Variants in DNAH11 observed in about 807,000 individuals in gnomAD.
DNAH11 encodes dynein axonemal heavy chain 11, also known as axonemal beta dynein heavy chain 11.
Under a neutral mutation model 526.0 loss-of-function variants are expected in DNAH11, and 442 were observed. The ratio of observed to expected loss-of-function variants is 0.84; its 90% CI spans 0.78 to 0.91. The LOEUF is 0.91. DNAH11 is among the 40% of genes least tolerant of loss of function. The probability of loss-of-function intolerance (pLI) is 0.00; values close to 1 mark genes in which losing one functional copy is unlikely to be tolerated. For missense variants in DNAH11, 6,989 were observed against 5,448.7 expected (o/e 1.28, Z -8.90); for synonymous variants, 2,461 against 1,935.9 (o/e 1.27, Z -7.12).
At chr7:21,837,193 G>A (rs975669502) in intron 65 of DNAH11, among the ~76,000 whole-genome samples, 23 of 152,166 alleles carry the variant, frequency 1.5e-4, no homozygotes, top group Middle Eastern at 3.4e-3. Context: ...GAGATTCCTC[G>A]AAAAACTAAG....
chr7:21,885,302 G>T (rs917265906), intron 76 of DNAH11, among the ~76,000 whole-genome samples: 1 of 148,904 alleles, frequency 6.7e-6, no homozygotes, highest in African/African-American at 2.4e-5. Context: ...TTTTTAAAAA[G>T]AGAAAAGATG....
chr7:21,620,475 A>G (rs1294877658), intron 25 of DNAH11, among the ~76,000 whole-genome samples: 1 of 150,958 alleles, frequency 6.6e-6, no homozygotes, highest in East Asian at 2.0e-4. Context: ...GCATCGTACA[A>G]TATTTGTCTT....
At chr7:21,648,540 C>T (rs985106984) in intron 28 of DNAH11, among the ~76,000 whole-genome samples, 2 of 152,174 alleles carry the variant, frequency 1.3e-5, no homozygotes, top group Non-Finnish European at 2.9e-5. Context: ...AGCTGAGCAA[C>T]CATCACACAC....
Position 21,744,982 on chromosome 7 carries a change from T to C in DNAH11, c.8429T>C (p.Ile2810Thr). 1.2e-6 allele frequency: 2 copies of C among 1,610,462 alleles called. No homozygotes were observed. The highest frequency in any genetic ancestry group is 1.7e-6 in the Non-Finnish European group (2 of 1,178,338). The change falls in exon 51 of 82, where the codon ATT (isoleucine) becomes ACT (threonine). Residue 2810 changes from isoleucine (I) to threonine (T), a missense_variant. By Grantham distance (89) the Ile-to-Thr change is moderately conservative (BLOSUM62 -1). Coordinates refer to ENST00000409508, the MANE Select transcript of DNAH11 (RefSeq NM_001277115.2). ...PVKDWEVLKT[I>T]LTETLDNYNE... ...AAGGACTGGGAAGTGCTGAAGACGA[T>C]TCTTACAGAAACGTTAGACAACTAC...
chr7:21,900,193 C>T, intron 81 of DNAH11, 73 bp downstream of exon 81: 2 of 1,462,052 alleles, frequency 1.4e-6, no homozygotes, highest in South Asian at 3.0e-5. Context: ...CCTCTGCTTA[C>T]TGTTTCTCAG....
Position 21,762,707 on chromosome 7 carries a change from CA to C in DNAH11, c.8941-2714del, listed in dbSNP as rs1014541075. Among the ~76,000 whole-genome samples the C allele has an allele frequency of 9.2e-5, 14 of 151,908 alleles. 2 individuals are homozygous for C. The highest frequency in any genetic ancestry group is 7.9e-4 in the Admixed American group (12 of 15,264). The stretch of plus-strand genomic sequence containing the variant: ...ACATTAAAAAATGTTAAACCACATG[CA>C]AAAAAATGAAATTGGACCTTGTCTT... On this transcript the variant is annotated intron_variant, in intron 54 of 81. Coordinates refer to ENST00000409508, the MANE Select transcript of DNAH11 (RefSeq NM_001277115.2).
chr7:21,654,341 T>C (rs182950814), intron 28 of DNAH11, among the ~76,000 whole-genome samples: 2 of 152,340 alleles, frequency 1.3e-5, no homozygotes, highest in East Asian at 3.9e-4. Flanking sequence ...AGATACGACG[T>C]GTGGTATATT....
intron 65 of DNAH11, among the ~76,000 whole-genome samples, chr7:21,823,935 T>C (rs1414399235): frequency 6.6e-6 from 1 of 152,240 alleles, no homozygotes; most frequent in African/African-American, 2.4e-5. Flanking sequence ...TGGGGTTCTC[T>C]TTTGATGATG....
intron 37 of DNAH11, 84 bp downstream of exon 37, chr7:21,702,886 A>G: frequency 2.5e-6 from 3 of 1,189,660 alleles, no homozygotes; most frequent in Non-Finnish European, 3.6e-6. Flanking sequence ...ATGGTGGGGC[A>G]TGGACAGCAC....
intron 29 of DNAH11, among the ~76,000 whole-genome samples, chr7:21,658,057 T>C (rs1187608785): frequency 2.0e-5 from 3 of 152,068 alleles, no homozygotes; most frequent in Admixed American, 6.6e-5. Flanking sequence ...TTATATGATA[T>C]CCTAAGAAAA....
At chr7:21,549,210 A>G (rs894314764) in intron 2 of DNAH11, among the ~76,000 whole-genome samples, 1 of 152,120 alleles carries the variant, frequency 6.6e-6, no homozygotes, top group Non-Finnish European at 1.5e-5. Context: ...TTATTTCCCC[A>G]TGCATCCTTG....
chr7:21,653,390 C>T (rs1781870249), intron 28 of DNAH11, among the ~76,000 whole-genome samples: 1 of 152,066 alleles, frequency 6.6e-6, no homozygotes, highest in African/African-American at 2.4e-5. Flanking sequence ...TCAACTATGC[C>T]ATGTATAAGA....
In DNAH11 at chr7:21,786,674, C is replaced by T. The variant is rs1583693853; in HGVS notation, c.9648C>T (p.Thr3216=). ...TTCCCAACCCTCCCATCGCAGTTAC[C>T]AATGTTACTGCAGCCGTGATGGTCC... ...KAFPNPPIAV[T]NVTAAVMVLL... is the part of the protein sequence containing the mutation. The change falls in exon 59 of 82, where the codon ACC becomes ACT. Residue 3216 remains threonine (T), a synonymous_variant. Transcript: ENST00000409508. 5 of 1,613,482 alleles carry T rather than the reference C, an allele frequency of 3.1e-6. No homozygotes were observed. In the Admixed American group the frequency reaches 8.3e-5, roughly 27 times the overall value.
rs34356379 is a variant in DNAH11 at position 21,612,554 on chromosome 7, C to CAAAAAAAAA, written c.3853-2546_3853-2538dup. 4.0e-3 allele frequency among the ~76,000 whole-genome samples: 321 copies of CAAAAAAAAA among 81,200 alleles called. 10 individuals are homozygous for CAAAAAAAAA. Among genetic ancestry groups the CAAAAAAAAA allele is most frequent in the African/African-American group, 0.015 (289 of 19,198 alleles). The allele number at this position is 81,200 out of a possible 152,430, so 53.3% of individuals were successfully genotyped here. On this transcript the variant is annotated intron_variant, in intron 20 of 81. Coordinates refer to ENST00000409508, the MANE Select transcript of DNAH11 (RefSeq NM_001277115.2). ...TGGGCGACAGAGTGAGGCTCCGTCT[C>CAAAAAAAAA]AAAAAAAAAAAAAAAAAAAAAAGAG...
At position 21,867,886 on chromosome 7, in the gene DNAH11, G is replaced by C. The variant is rs755196801; in HGVS notation, c.11718G>C (p.Ala3906=). 5.7e-6 allele frequency: 9 copies of C among 1,578,180 alleles called. No homozygotes were observed. The highest frequency in any genetic ancestry group is 1.3e-5 in the African/African-American group (1 of 74,156). ...LRNFVEEKLG[A]KYVERTRLDL... is the part of the protein sequence containing the mutation. Reference sequence around the variant, plus strand: ...ATTTTGTAGAGGAAAAACTGGGTGCGAAGTATGTGGAGAGGACCAGATTGG... The same window carrying C: ...ATTTTGTAGAGGAAAAACTGGGTGCCAAGTATGTGGAGAGGACCAGATTGG... The change falls in exon 72 of 82, where the codon GCG becomes GCC. Residue 3906 remains alanine (A), a synonymous_variant. Coordinates refer to ENST00000409508, the MANE Select transcript of DNAH11 (RefSeq NM_001277115.2).
chr7:21,606,979 T>A (rs760185861), intron 20 of DNAH11, among the ~76,000 whole-genome samples: 10 of 152,108 alleles, frequency 6.6e-5, no homozygotes, highest in Non-Finnish European at 1.0e-4. Flanking sequence ...GATAGATGTA[T>A]ATAGGAAAGG....
chr7:21,744,430 C>T lies in DNAH11; in HGVS notation c.8155-8C>T, dbSNP rs747421878. ...ATTAAAGGTATTTTCCCCATTCTTG[C>T]CTTGTAGGGGATTTTATTTGCTTCT... On this transcript the variant is annotated splice_region_variant and splice_polypyrimidine_tract_variant and intron_variant, in intron 49 of 81. Coordinates refer to ENST00000409508, the MANE Select transcript of DNAH11 (RefSeq NM_001277115.2). The T allele has an allele frequency of 8.7e-5, 141 of 1,612,296 alleles. 2 individuals carry two copies. In the South Asian group the frequency reaches 1.6e-3, roughly 18 times the overall value.
At chr7:21,802,731 T>G (rs183827007) in intron 62 of DNAH11, among the ~76,000 whole-genome samples, 3 of 151,990 alleles carry the variant, frequency 2.0e-5, no homozygotes, top group Admixed American at 2.0e-4. Flanking sequence ...TCACATGGTA[T>G]GTGATATCAT....
In DNAH11 at chr7:21,901,191, G is replaced by A. The variant is rs1784807762; in HGVS notation, c.13488G>A (p.Leu4496=). 2 of 1,613,432 alleles carry A rather than the reference G, an allele frequency of 1.2e-6. No homozygotes were observed. The highest frequency in any genetic ancestry group is 8.5e-7 in the Non-Finnish European group (1 of 1,179,704). ...RGPSYIWTFR[L]KSEEKTAKWV... is the part of the protein sequence containing the mutation. ...CCAGCTACATCTGGACCTTCAGGCT[G>A]AAGAGCGAAGAGAAGACTGCAAAAT... is the stretch of plus-strand genomic sequence containing the variant. Residue 4496 remains leucine (L), a synonymous_variant, in exon 82 of 82, where the codon CTG becomes CTA. Transcript: ENST00000409508.
Sources: gnomAD v4.1 joint callset for allele counts (sites outside exome capture counted in the v4.1 genomes callset) on GRCh38, gnomAD v4.1.1 for gene constraint, MANE v1.5 for transcripts, NCBI Gene and HGNC (gene_info 2026-07-23, HGNC 2026-07-21) for gene names.